The following LIPC variants were observed in gnomAD, a reference collection of about 807,000 sequenced individuals.
LIPC encodes hepatic triacylglycerol lipase.
In LIPC, 44 loss-of-function variants were observed where a neutral mutation model predicts 50.7. The ratio of observed to expected loss-of-function variants is 0.87; its 90% CI spans 0.68 to 1.11. LIPC has a LOEUF of 1.11. Among genes scored for constraint, LIPC ranks in the 50% most tolerant of loss-of-function variants. The pLI, the probability that LIPC is intolerant of heterozygous loss-of-function variation, is 0.00. For synonymous variants in LIPC, 271 were observed against 256.4 expected (o/e 1.06, Z -0.54); for missense variants, 697 against 648.2 (o/e 1.08, Z -0.82).
Position 58,525,452 on chromosome 15 carries a change from C to G in LIPC, c.89-12881C>G, listed in dbSNP as rs78310985. Among the ~76,000 whole-genome samples the G allele has an allele frequency of 5.4e-3, 829 of 152,366 alleles. 6 individuals are homozygous for G. The highest frequency in any genetic ancestry group is 0.019 in the African/African-American group (774 of 41,582). ...CAAGCTGAGCTCTGTCACTGGGGCTCTCCTTGCTCACTGTCATGTTTTATT... is the reference window on the plus strand; with the variant it reads ...CAAGCTGAGCTCTGTCACTGGGGCTGTCCTTGCTCACTGTCATGTTTTATT... On this transcript the variant is annotated intron_variant, in intron 1 of 8. Coordinates refer to ENST00000299022, the MANE Select transcript of LIPC (RefSeq NM_000236.3).
chr15:58,443,348 G>A (rs547139071), intron 1 of LIPC, among the ~76,000 whole-genome samples: 1 of 152,218 alleles, frequency 6.6e-6, no homozygotes, highest in Admixed American at 6.5e-5. Flanking sequence ...GGCCCAAGGG[G>A]AAAAACCTCT....
intron 5 of LIPC, among the ~76,000 whole-genome samples, chr15:58,546,837 T>C (rs1365657982): frequency 1.3e-5 from 2 of 152,062 alleles, no homozygotes; most frequent in Non-Finnish European, 2.9e-5. Flanking sequence ...AGAGTGACCT[T>C]CACACTCCGC....
At chr15:58,439,485 C>A (rs1446035145) in intron 1 of LIPC, among the ~76,000 whole-genome samples, 1 of 152,166 alleles carries the variant, frequency 6.6e-6, no homozygotes, top group African/African-American at 2.4e-5. Flanking sequence ...GCTCTGTCGC[C>A]CAGGCTGGAG....
intron 1 of LIPC, chr15:58,436,750 G>C (rs139383681): frequency 2.2e-6 from 1 of 456,170 alleles, no homozygotes; most frequent in Non-Finnish European, 4.4e-6. Flanking sequence ...TTACTTCCAA[G>C]TGGAGGGAAG....
At chr15:58,525,021 TA>T (rs1479568487) in intron 1 of LIPC, among the ~76,000 whole-genome samples, 32 of 151,196 alleles carry the variant, frequency 2.1e-4, no homozygotes, top group African/African-American at 7.6e-4. Context: ...AATTAGCCCA[TA>T]TTTTTTTTCT....
At chr15:58,566,427 G>A (rs970745424) in intron 8 of LIPC, 7 of 985,070 alleles carry the variant, frequency 7.1e-6, no homozygotes, top group Non-Finnish European at 8.4e-6. Flanking sequence ...AGACTCAGTT[G>A]TTTAGTGATA....
At chr15:58,518,469 G>A (rs1892550621) in intron 1 of LIPC, among the ~76,000 whole-genome samples, 1 of 152,100 alleles carries the variant, frequency 6.6e-6, no homozygotes, top group Non-Finnish European at 1.5e-5. Context: ...CAGCACCAGG[G>A]AGTTATCTAA....
At chr15:58,440,183 T>C (rs182043937) in intron 1 of LIPC, among the ~76,000 whole-genome samples, 1 of 152,368 alleles carries the variant, frequency 6.6e-6, no homozygotes, top group Admixed American at 6.5e-5. Flanking sequence ...TGAGCATTAC[T>C]TGTAATTGGT....
intron 1 of LIPC, among the ~76,000 whole-genome samples, chr15:58,451,598 G>A (rs984958341): frequency 6.6e-6 from 1 of 152,146 alleles, no homozygotes. Flanking sequence ...CAGGAGAATG[G>A]GATGTCTGAT....
Position 58,541,648 on chromosome 15 carries a change from CCCAAAATGT to C in LIPC, c.274-135_274-127del, listed in dbSNP as rs1260917996. On this transcript the variant is annotated intron_variant, in intron 2 of 8. Transcript: ENST00000299022. The stretch of plus-strand genomic sequence containing the variant: ...GCCCCCACAACAAGGAATTCTCTGG[CCCAAAATGT>C]CAACTGTGCATGGCTGAGAAACGTC... 9.1e-6 allele frequency: 8 copies of C among 878,990 alleles called. No individual in the cohort carries two copies. The East Asian group carries it at 2.1e-4, about 23-fold the overall frequency. 54.4% of individuals were successfully genotyped at this position (878,990 alleles called of 1,614,324 possible). A position where few individuals can be genotyped will look rare whatever the true frequency, so the allele number is the denominator to read the frequency against.
At chr15:58,537,933 G>A (rs1476785548) in intron 1 of LIPC, among the ~76,000 whole-genome samples, 1 of 152,216 alleles carries the variant, frequency 6.6e-6, no homozygotes, top group Non-Finnish European at 1.5e-5. Flanking sequence ...AGGTAGGGAT[G>A]TAGGGATGAA....
At chr15:58,498,819 C>T (rs1179814834) in intron 1 of LIPC, 1 of 152,254 alleles carries the variant, frequency 6.6e-6, no homozygotes, top group Non-Finnish European at 1.5e-5. Flanking sequence ...ACACCCACTT[C>T]AGCTTCTGTA....
intron 6 of LIPC, among the ~76,000 whole-genome samples, chr15:58,560,108 G>T (rs183248238): frequency 6.6e-6 from 1 of 152,280 alleles, no homozygotes; most frequent in African/African-American, 2.4e-5. Context: ...ATCATTTAAC[G>T]ATGCCATGTA....
rs561942993 is a variant in LIPC at position 58,535,653 on chromosome 15, A to AAGATGCT, written c.89-2672_89-2666dup. Among the ~76,000 whole-genome samples, 36 of 152,344 alleles carry AAGATGCT rather than the reference A, an allele frequency of 2.4e-4. No homozygotes were observed. In the East Asian group the frequency reaches 4.1e-3, roughly 17 times the overall value. The stretch of plus-strand genomic sequence containing the variant: ...AAAGGATTTCACTGATCAGAAATGT[A>AAGATGCT]AGATGCTAGATGCTCCAATTGGTAC... On this transcript the variant is annotated intron_variant, in intron 1 of 8. Coordinates refer to ENST00000299022, the MANE Select transcript of LIPC (RefSeq NM_000236.3).
chr15:58,501,227 C>G (rs1274649571), intron 1 of LIPC, among the ~76,000 whole-genome samples: 2 of 152,152 alleles, frequency 1.3e-5, no homozygotes, highest in Non-Finnish European at 2.9e-5. Context: ...GATTTCCTAA[C>G]AGGCCCCCTC....
intron 1 of LIPC, among the ~76,000 whole-genome samples, chr15:58,481,107 C>A (rs1891171727): frequency 6.6e-6 from 1 of 152,170 alleles, no homozygotes; most frequent in African/African-American, 2.4e-5. Flanking sequence ...ATGGGATACA[C>A]TGGGCCAAAG....
chr15:58,563,368 C>G (rs1436760062), intron 7 of LIPC, 137 bp from the exon 8 acceptor site: 4 of 728,162 alleles, frequency 5.5e-6, no homozygotes, highest in Non-Finnish European at 9.8e-6. Flanking sequence ...TATCAATAGT[C>G]TGTTGAACAC....
chr15:58,544,095 G>A (rs548472151), intron 4 of LIPC, among the ~76,000 whole-genome samples: 8 of 152,340 alleles, frequency 5.3e-5, no homozygotes, highest in Non-Finnish European at 7.3e-5. Context: ...CACTGGGGAA[G>A]CCTGGTCACA....
At chr15:58,451,860 G>A (rs1893911251) in intron 1 of LIPC, among the ~76,000 whole-genome samples, 1 of 152,202 alleles carries the variant, frequency 6.6e-6, no homozygotes, top group Non-Finnish European at 1.5e-5. Context: ...CCGCTAGAAG[G>A]TGGGCTATCG....
Sources: allele counts gnomAD v4.1 joint callset (sites outside exome capture counted in the v4.1 genomes callset), GRCh38; gene constraint gnomAD v4.1.1; transcripts MANE v1.5; gene names NCBI Gene and HGNC (gene_info 2026-07-23, HGNC 2026-07-21).